The following GRM7 variants were observed in gnomAD, a reference collection of about 807,000 sequenced individuals.
The protein encoded by GRM7 is glutamate metabotropic receptor 7, also known as metabotropic glutamate receptor 7.
GRM7 carries 35 observed loss-of-function variants against 84.5 expected under a neutral mutation model. The observed-to-expected ratio is 0.41, with a 90% CI of 0.32 to 0.55. The LOEUF (loss-of-function observed/expected upper bound fraction) is 0.55, where lower values mean the gene tolerates loss of function less well. Among genes scored for constraint, GRM7 ranks in the 20% least tolerant of loss-of-function variants. GRM7 has a pLI of 0.19. For synonymous variants in GRM7, 487 were observed against 455.1 expected, an observed-to-expected ratio of 1.07 and a Z score of -0.89; for missense variants, 1,003 against 1,194.6, an observed-to-expected ratio of 0.84 and a Z score of 2.36.
At chr3:7,160,883 G>A (rs1480582794) in intron 2 of GRM7, among the ~76,000 whole-genome samples, 1 of 152,094 alleles carries the variant, frequency 6.6e-6, no homozygotes, top group African/African-American at 2.4e-5. Context: ...ACTTGCTAAA[G>A]GTAGGTATTG....
At chr3:7,685,552 TA>T (rs1700547912) in intron 9 of GRM7, among the ~76,000 whole-genome samples, 1 of 152,112 alleles carries the variant, frequency 6.6e-6, no homozygotes, top group Non-Finnish European at 1.5e-5. Context: ...ATAGACTACC[TA>T]AAAGACTGGT....
chr3:6,882,086 T>TATCA (rs1001603510), intron 1 of GRM7, among the ~76,000 whole-genome samples: 14 of 152,224 alleles, frequency 9.2e-5, no homozygotes, highest in Middle Eastern at 3.4e-3. Context: ...TCCACCTTAG[T>TATCA]ATCAGTGTGG....
chr3:7,083,955 A>T (rs537057104), intron 1 of GRM7, among the ~76,000 whole-genome samples: 1 of 152,098 alleles, frequency 6.6e-6, no homozygotes, highest in African/African-American at 2.4e-5. Flanking sequence ...AGCATCCTTC[A>T]GTGTAGCTGG....
intron 1 of GRM7, among the ~76,000 whole-genome samples, chr3:7,039,975 G>C (rs1461951136): frequency 6.6e-6 from 1 of 152,102 alleles, no homozygotes; most frequent in Non-Finnish European, 1.5e-5. Context: ...TTTGTACTCG[G>C]CACCTAGCAA....
At chr3:7,394,898 C>T (rs1174849342) in intron 4 of GRM7, among the ~76,000 whole-genome samples, 1 of 151,942 alleles carries the variant, frequency 6.6e-6, no homozygotes, top group South Asian at 2.1e-4. Flanking sequence ...ATTAGCCAGG[C>T]GTGGTGGCGG....
At chr3:7,219,265 AC>A (rs1696717497) in intron 2 of GRM7, among the ~76,000 whole-genome samples, 1 of 74,592 alleles carries the variant, frequency 1.3e-5, no homozygotes. Flanking sequence ...TTTGGTTCAC[AC>A]GTCTAACCAT....
intron 1 of GRM7, among the ~76,000 whole-genome samples, chr3:7,036,384 C>T (rs141582769): frequency 3.5e-4 from 53 of 152,218 alleles, no homozygotes; most frequent in African/African-American, 9.4e-4. Context: ...GGATGTGCCT[C>T]ATATGTCTCT....
intron 2 of GRM7, among the ~76,000 whole-genome samples, chr3:7,248,997 G>A (rs1308867527): frequency 6.6e-6 from 1 of 152,110 alleles, no homozygotes; most frequent in East Asian, 1.9e-4. Context: ...TCAGTAGACA[G>A]CCATAGATAT....
intron 9 of GRM7, among the ~76,000 whole-genome samples, chr3:7,729,639 G>A (rs1311383195): frequency 6.6e-6 from 1 of 152,200 alleles, no homozygotes; most frequent in Non-Finnish European, 1.5e-5. Flanking sequence ...TCAGTATTCA[G>A]TAATTCAGTG....
At chr3:7,148,987 T>C (rs1384004474) in intron 2 of GRM7, among the ~76,000 whole-genome samples, 1 of 152,166 alleles carries the variant, frequency 6.6e-6, no homozygotes, top group East Asian at 1.9e-4. Context: ...AATAAGTATT[T>C]AATAAGTATT....
At chr3:7,373,713 C>T (rs1243485874) in intron 4 of GRM7, among the ~76,000 whole-genome samples, 2 of 152,150 alleles carry the variant, frequency 1.3e-5, no homozygotes, top group South Asian at 2.1e-4. Context: ...AAATTCTGCT[C>T]CAAGTTTCTA....
chr3:7,067,690 A>G (rs922462345), intron 1 of GRM7, among the ~76,000 whole-genome samples: 1 of 151,942 alleles, frequency 6.6e-6, no homozygotes, highest in Non-Finnish European at 1.5e-5. Context: ...GAAGACTGCA[A>G]ACCAATTGTG....
At chr3:7,120,411 A>G (rs1227507107) in intron 1 of GRM7, among the ~76,000 whole-genome samples, 4 of 152,128 alleles carry the variant, frequency 2.6e-5, no homozygotes, top group Non-Finnish European at 4.4e-5. Flanking sequence ...TACTGCCAAT[A>G]TCAATTTTAA....
intron 2 of GRM7, among the ~76,000 whole-genome samples, chr3:7,255,228 T>C (rs1575086712): frequency 6.6e-6 from 1 of 152,326 alleles, no homozygotes; most frequent in East Asian, 1.9e-4. Flanking sequence ...ACTAGAATAA[T>C]GGTCAAATCC....
chr3:7,148,672 A>G (rs1694182478), intron 2 of GRM7, among the ~76,000 whole-genome samples: 1 of 152,186 alleles, frequency 6.6e-6, no homozygotes, highest in South Asian at 2.1e-4. Context: ...TGAGTTTGCT[A>G]TTATATATAA....
At chr3:7,508,697 C>A (rs1421710505) in intron 7 of GRM7, among the ~76,000 whole-genome samples, 1 of 152,088 alleles carries the variant, frequency 6.6e-6, no homozygotes, top group Admixed American at 6.6e-5. Flanking sequence ...GTTCTTACGG[C>A]ATTTCCTGCA....
intron 8 of GRM7, among the ~76,000 whole-genome samples, chr3:7,592,168 G>A (rs1695816201): frequency 6.6e-6 from 1 of 151,992 alleles, no homozygotes; most frequent in South Asian, 2.1e-4. Flanking sequence ...AAGCAAAAGA[G>A]ATAAATTCCT....
intron 1 of GRM7, among the ~76,000 whole-genome samples, chr3:7,037,465 A>C (rs1394314712): frequency 6.6e-6 from 1 of 152,206 alleles, no homozygotes; most frequent in Non-Finnish European, 1.5e-5. Flanking sequence ...ATGACACTGC[A>C]TCCAGAATTG....
chr3:7,310,936 C>G (rs1700369003), intron 4 of GRM7, among the ~76,000 whole-genome samples: 1 of 152,096 alleles, frequency 6.6e-6, no homozygotes, highest in African/African-American at 2.4e-5. Context: ...TCTCATCTAC[C>G]CTTCCATACT....
Sources: gnomAD v4.1 joint callset for allele counts (sites outside exome capture counted in the v4.1 genomes callset) on GRCh38, gnomAD v4.1.1 for gene constraint, MANE v1.5 for transcripts, NCBI Gene and HGNC (gene_info 2026-07-23, HGNC 2026-07-21) for gene names.